Variants in CNTN5 observed in about 807,000 individuals in gnomAD.
The protein encoded by CNTN5 is contactin 5, also known as contactin-5.
CNTN5 carries 77 observed loss-of-function variants against 129.1 expected under a neutral mutation model. The observed-to-expected ratio is 0.60, with a 90% CI of 0.50 to 0.72. The LOEUF (loss-of-function observed/expected upper bound fraction) is 0.72, where lower values mean the gene tolerates loss of function less well. Among genes scored for constraint, CNTN5 ranks in the 30% least tolerant of loss-of-function variants. The pLI, the probability that CNTN5 is intolerant of heterozygous loss-of-function variation, is 0.00. For missense variants in CNTN5, 1,478 were observed against 1,328.8 expected, an observed-to-expected ratio of 1.11 and a Z score of -1.75; for synonymous variants, 509 against 465.6, an observed-to-expected ratio of 1.09 and a Z score of -1.20.
chr11:99,384,809 G>C (rs1940823180), intron 2 of CNTN5, among the ~76,000 whole-genome samples: 1 of 152,056 alleles, frequency 6.6e-6, no homozygotes, highest in Non-Finnish European at 1.5e-5. Flanking sequence ...GTGATGTTTT[G>C]ATATGTCTAC....
chr11:99,258,045 AC>A (rs1862456565), intron 1 of CNTN5, among the ~76,000 whole-genome samples: 1 of 152,030 alleles, frequency 6.6e-6, no homozygotes, highest in Admixed American at 6.6e-5. Context: ...CTCCCCCTGA[AC>A]ACCTAAAACT....
At chr11:99,148,639 A>T (rs2135481815) in intron 1 of CNTN5, among the ~76,000 whole-genome samples, 2 of 152,254 alleles carry the variant, frequency 1.3e-5, no homozygotes, top group Middle Eastern at 3.4e-3. Context: ...TTGTTACAAG[A>T]TTATACTCTT....
In CNTN5 at chr11:100,090,182, C is replaced by A. The variant is rs370106892; in HGVS notation, c.1580+15888C>A. Among the ~76,000 whole-genome samples, 162 of 152,078 alleles carry A rather than the reference C, an allele frequency of 1.1e-3. 1 individual carries two copies. The highest frequency in any genetic ancestry group is 6.8e-3 in the Middle Eastern group (2 of 294). ...TGATAAAATCCCTCAAGAAATTAGG[C>A]ATTGAAAGAACATATCTCAAAACAA... On this transcript the variant is annotated intron_variant, in intron 13 of 24. Transcript: ENST00000524871.
intron 7 of CNTN5, among the ~76,000 whole-genome samples, chr11:99,945,489 C>CGT (rs3990615): frequency 0.22 from 32,925 of 148,776 alleles, 4,126 homozygotes; most frequent in South Asian, 0.31. Flanking sequence ...AACCTCTGTG[C>CGT]GTGTGTGTGT....
intron 3 of CNTN5, among the ~76,000 whole-genome samples, chr11:99,572,083 T>C (rs1300582407): frequency 6.6e-6 from 1 of 152,176 alleles, no homozygotes; most frequent in Non-Finnish European, 1.5e-5. Flanking sequence ...CAAAAGTTAA[T>C]ACTACATACA....
rs145289848 is a variant in CNTN5, at chr11:99,964,730, C to A, written c.877+7721C>A. Among the ~76,000 whole-genome samples, 780 of 152,204 alleles carry A rather than the reference C, an allele frequency of 5.1e-3. 4 individuals are homozygous for A. Among genetic ancestry groups the A allele is most frequent in the African/African-American group, 0.016 (669 of 41,516 alleles). On this transcript the variant is annotated intron_variant, in intron 8 of 24. Coordinates refer to ENST00000524871, the MANE Select transcript of CNTN5 (RefSeq NM_014361.4). ...TATTGATTGGAATAGTTTCAGAAGG[C>A]ATGGTACCAGCTCCTTCTTGTACCT...
intron 16 of CNTN5, among the ~76,000 whole-genome samples, chr11:100,254,867 T>C (rs7111557): frequency 0.034 from 5,213 of 152,304 alleles, 325 homozygotes; most frequent in African/African-American, 0.12. Context: ...ACTTTAATTG[T>C]CCATACTATG....
At chr11:100,128,376 T>C (rs1157912269) in intron 13 of CNTN5, among the ~76,000 whole-genome samples, 1 of 152,160 alleles carries the variant, frequency 6.6e-6, no homozygotes, top group Non-Finnish European at 1.5e-5. Flanking sequence ...CTCTATCCTA[T>C]ACATTGTTCA....
At position 99,845,112 on chromosome 11, in the gene CNTN5, G is replaced by T. The variant is rs61754104; in HGVS notation, c.427G>T (p.Asp143Tyr). The T allele has an allele frequency of 5.0e-6, 8 of 1,613,614 alleles. No homozygotes were observed. Among genetic ancestry groups the T allele is most frequent in the Non-Finnish European group, 6.8e-6 (8 of 1,179,756 alleles). Residue 143 changes from aspartate to tyrosine, a missense_variant, in exon 6 of 25, where the codon GAT becomes TAT. Asp to Tyr is a radical substitution (Grantham distance 160). Transcript: ENST00000524871. The stretch of plus-strand genomic sequence containing the variant: ...ATGGCTTCGAAATGGAACAGAAATA[G>T]ATCTGGAAAGTGATTATCGCTACAG... ...YRWLRNGTEI[D>Y]LESDYRYSLI...
intron 13 of CNTN5, among the ~76,000 whole-genome samples, chr11:100,084,780 C>T (rs1443735338): frequency 6.6e-6 from 1 of 152,038 alleles, no homozygotes; most frequent in Non-Finnish European, 1.5e-5. Flanking sequence ...CTGGAGTTTT[C>T]AAGATACCAA....
At chr11:99,381,794 A>G (rs529479250) in intron 2 of CNTN5, among the ~76,000 whole-genome samples, 3 of 152,156 alleles carry the variant, frequency 2.0e-5, no homozygotes, top group Non-Finnish European at 4.4e-5. Context: ...AGTGGTTCTC[A>G]AGCTTTTTTC....
intron 6 of CNTN5, among the ~76,000 whole-genome samples, chr11:99,855,735 A>G (rs571581286): frequency 5.9e-5 from 9 of 152,292 alleles, no homozygotes; most frequent in African/African-American, 2.2e-4. Flanking sequence ...TATAGTCAGC[A>G]TTGTAAATAT....
At chr11:99,948,091 A>G (rs1046666880) in intron 7 of CNTN5, among the ~76,000 whole-genome samples, 2 of 152,234 alleles carry the variant, frequency 1.3e-5, no homozygotes, top group Non-Finnish European at 2.9e-5. Context: ...AATACTGTCC[A>G]AGATTAAACC....
intron 6 of CNTN5, among the ~76,000 whole-genome samples, chr11:99,848,445 A>G (rs1947771692): frequency 6.6e-6 from 1 of 152,176 alleles, no homozygotes. Flanking sequence ...TATTCATTAT[A>G]CAACTAATAT....
chr11:100,135,057 TTATTA>T (rs1946481114), intron 13 of CNTN5, among the ~76,000 whole-genome samples: 1 of 152,174 alleles, frequency 6.6e-6, no homozygotes, highest in African/African-American at 2.4e-5. Flanking sequence ...TTAAAGTTAA[TTATTA>T]TATTTTCTCT....
intron 9 of CNTN5, among the ~76,000 whole-genome samples, chr11:100,028,443 A>G (rs1941538869): frequency 6.6e-6 from 1 of 152,196 alleles, no homozygotes. Flanking sequence ...AGATTTCTCC[A>G]AGAGACTCAA....
intron 1 of CNTN5, among the ~76,000 whole-genome samples, chr11:99,077,269 G>A (rs11218311): frequency 0.18 from 26,650 of 151,972 alleles, 3,420 homozygotes; most frequent in East Asian, 0.47. Flanking sequence ...TGTTCCAGGA[G>A]CAACAACATC....
At chr11:99,416,418 C>G (rs144795688) in intron 2 of CNTN5, among the ~76,000 whole-genome samples, 2 of 152,004 alleles carry the variant, frequency 1.3e-5, no homozygotes, top group Non-Finnish European at 2.9e-5. Context: ...GTAGCTAGGA[C>G]TACAGGCAAG....
intron 7 of CNTN5, among the ~76,000 whole-genome samples, chr11:99,927,899 T>C (rs1950099676): frequency 6.6e-6 from 1 of 152,176 alleles, no homozygotes; most frequent in Non-Finnish European, 1.5e-5. Flanking sequence ...AGTCAAGTCT[T>C]ATCTGAGACA....
Sources: gnomAD v4.1 joint callset for allele counts (sites outside exome capture counted in the v4.1 genomes callset) on GRCh38, gnomAD v4.1.1 for gene constraint, MANE v1.5 for transcripts, NCBI Gene and HGNC (gene_info 2026-07-23, HGNC 2026-07-21) for gene names.